MTA3: variants seen among roughly 807,000 people sequenced by gnomAD.
MTA3 encodes the protein metastasis associated 1 family member 3, also known as metastasis-associated protein MTA3.
MTA3 carries 34 observed loss-of-function variants against 83.5 expected under a neutral mutation model. That is an observed-to-expected ratio of 0.41 (90% CI 0.31 to 0.54). MTA3 has a LOEUF of 0.54. Among genes scored for constraint, MTA3 ranks in the 20% least tolerant of loss-of-function variants. The pLI is 0.33. For synonymous variants in MTA3, 303 were observed against 252.7 expected, an observed-to-expected ratio of 1.20 and a Z score of -1.89; for missense variants, 761 against 726.4, an observed-to-expected ratio of 1.05 and a Z score of -0.55.
At chr2:42,749,293 T>C (rs954250283) in intron 16 of MTA3, among the ~76,000 whole-genome samples, 1 of 152,164 alleles carries the variant, frequency 6.6e-6, no homozygotes, top group African/African-American at 2.4e-5. Flanking sequence ...CTGAGCTATA[T>C]TCATCTCATA....
chr2:42,503,122 G>A (rs1674474842), intron 2 of MTA3, among the ~76,000 whole-genome samples: 1 of 152,166 alleles, frequency 6.6e-6, no homozygotes, highest in African/African-American at 2.4e-5. Context: ...ATTAAAGAAT[G>A]GCTACTCCAT....
At chr2:42,639,111 A>G in intron 4 of MTA3, among the ~76,000 whole-genome samples, 2 of 142,442 alleles carry the variant, frequency 1.4e-5, no homozygotes, top group African/African-American at 5.3e-5. Context: ...CCCGGGCTGG[A>G]GTGCAGTGGC....
intron 1 of MTA3, 56 bp downstream of exon 1, chr2:42,568,829 G>T (rs994867337): frequency 8.3e-7 from 1 of 1,211,410 alleles, no homozygotes; most frequent in Non-Finnish European, 1.0e-6. Context: ...GGAGCGGGGG[G>T]CCGGGGCGAG....
chr2:42,617,819 T>C (rs2104162591), intron 4 of MTA3, among the ~76,000 whole-genome samples: 3 of 152,208 alleles, frequency 2.0e-5, no homozygotes, highest in Middle Eastern at 6.8e-3. Flanking sequence ...ATTTGCACAT[T>C]TGGACATCAG....
intron 16 of MTA3, among the ~76,000 whole-genome samples, chr2:42,731,288 G>T (rs1668212089): frequency 6.6e-6 from 1 of 152,058 alleles, no homozygotes; most frequent in Non-Finnish European, 1.5e-5. Flanking sequence ...AATATGCACT[G>T]ATTAGGTTAT....
intron 4 of MTA3, among the ~76,000 whole-genome samples, chr2:42,619,406 G>GGTGT (rs1194905827): frequency 6.6e-6 from 1 of 152,070 alleles, no homozygotes; most frequent in African/African-American, 2.4e-5. Context: ...GTGTGTATGT[G>GGTGT]GTGTGAGGCC....
At position 42,557,744 on chromosome 2, in the gene MTA3, A is replaced by G. The variant is rs186671761; in HGVS notation, c.-140-12693A>G. On this transcript the variant is annotated intron_variant, in intron 2 of 17. Coordinates refer to the MTA3 transcript ENST00000405592. ...ACATTTTCAGTCCTTTTTGAAATCA[A>G]GAGTGCAAATAAACTTCCCTCTGTC... Among the ~76,000 whole-genome samples the G allele has an allele frequency of 1.1e-4, 16 of 152,322 alleles. No individual in the cohort carries two copies. In the East Asian group the frequency reaches 2.1e-3, roughly 20 times the overall value.
Position 42,721,136 on chromosome 2 carries a change from A to G in MTA3, c.1613-1753A>G, listed in dbSNP as rs553166847. ...CTACACAATATATTTATGAGTATTT[A>G]TATGTTGAAAACACTGTACTAAGTG... On this transcript the variant is annotated intron_variant, in intron 15 of 16. Transcript: ENST00000405094. Among the ~76,000 whole-genome samples the G allele has an allele frequency of 1.3e-3, 201 of 152,066 alleles. 5 individuals carry two copies. The South Asian group carries it at 0.041, about 31-fold the overall frequency.
intron 2 of MTA3, among the ~76,000 whole-genome samples, chr2:42,557,142 C>T (rs1677431376): frequency 6.6e-6 from 1 of 152,076 alleles, no homozygotes; most frequent in Non-Finnish European, 1.5e-5. Flanking sequence ...ACTCGGGAGG[C>T]TGAGGCAGGA....
At chr2:42,673,482 C>A (rs556635135) in intron 8 of MTA3, among the ~76,000 whole-genome samples, 2 of 152,284 alleles carry the variant, frequency 1.3e-5, no homozygotes, top group Admixed American at 6.5e-5. Flanking sequence ...ACGTAGCCAT[C>A]AGTTGCAGAG....
At chr2:42,653,436 A>C (rs80096830) in intron 6 of MTA3, among the ~76,000 whole-genome samples, 2,224 of 152,330 alleles carry the variant, frequency 0.015, 53 homozygotes, top group African/African-American at 0.05. Flanking sequence ...TAATTATAAA[A>C]ATTCTAAATA....
intron 8 of MTA3, among the ~76,000 whole-genome samples, chr2:42,670,255 G>A (rs1204915870): frequency 6.7e-6 from 1 of 148,636 alleles, no homozygotes; most frequent in Non-Finnish European, 1.5e-5. Flanking sequence ...GCTTAACTCC[G>A]TGTCAAAAAA....
intron 13 of MTA3, 144 bp from the exon 14 acceptor site, chr2:42,708,730 C>G (rs1288703064): frequency 1.1e-5 from 9 of 835,962 alleles, no homozygotes; most frequent in South Asian, 3.3e-5. Context: ...TTAATTCTCT[C>G]TTTTAGAGGT....
intron 3 of MTA3, among the ~76,000 whole-genome samples, chr2:42,598,610 A>G (rs907359691): frequency 1.3e-4 from 20 of 152,096 alleles, no homozygotes; most frequent in Non-Finnish European, 2.5e-4. Context: ...TATCTCCTTA[A>G]AATTTATTTT....
At chr2:42,678,860 G>C (rs769656075) in intron 8 of MTA3, among the ~76,000 whole-genome samples, 15 of 152,152 alleles carry the variant, frequency 9.9e-5, no homozygotes, top group Non-Finnish European at 1.8e-4. Context: ...GATGTTAGTT[G>C]ACATTTGAGC....
At chr2:42,667,569 A>ATTATGTGTGTGTGTGTGTGTGTGTGTGT (rs1230537481) in intron 8 of MTA3, among the ~76,000 whole-genome samples, 2 of 15,958 alleles carry the variant, frequency 1.3e-4, no homozygotes, top group Admixed American at 8.6e-4. Context: ...TCATTTAAAA[A>ATTATGTGTGTGTGTGTGTGTGTGTGTGT]TTGTGTGTGT....
At chr2:42,526,909 C>T (rs1188789617) in intron 2 of MTA3, among the ~76,000 whole-genome samples, 1 of 151,846 alleles carries the variant, frequency 6.6e-6, no homozygotes, top group African/African-American at 2.4e-5. Flanking sequence ...CAAAAATTAG[C>T]TGAGTGTGGT....
At chr2:42,554,360 G>A (rs1023574179) in intron 2 of MTA3, among the ~76,000 whole-genome samples, 4 of 152,184 alleles carry the variant, frequency 2.6e-5, no homozygotes, top group African/African-American at 4.8e-5. Context: ...TATGGTGCTC[G>A]ATGTAAGAAT....
Position 42,568,652 on chromosome 2 carries a change from G to T in MTA3, c.-94G>T, listed in dbSNP as rs1678069509. 2.2e-6 allele frequency: 2 copies of T among 919,264 alleles called. No homozygotes were observed. Among genetic ancestry groups the T allele is most frequent in the South Asian group, 5.2e-5 (1 of 19,130 alleles). The allele number at this position is 919,264 out of a possible 1,614,324, so 56.9% of individuals were successfully genotyped here. ...CCCCCGTGGCGAGGCAGCAGCGACGGCGGCGGCGGCAGCGGCGGTCGCGGC... is the reference window on the plus strand; with the variant it reads ...CCCCCGTGGCGAGGCAGCAGCGACGTCGGCGGCGGCAGCGGCGGTCGCGGC... On this transcript the variant is annotated 5_prime_UTR_variant, in exon 1 of 17. Coordinates refer to ENST00000405094, the MANE Select transcript of MTA3 (RefSeq NM_001330442.2).
Sources: allele counts gnomAD v4.1 joint callset (sites outside exome capture counted in the v4.1 genomes callset), GRCh38; gene constraint gnomAD v4.1.1; transcripts MANE v1.5; gene names NCBI Gene and HGNC (gene_info 2026-07-23, HGNC 2026-07-21).